Variants in LAMA4 observed in about 807,000 individuals in gnomAD.
The protein encoded by LAMA4 is laminin subunit alpha-4.
In LAMA4, 127 loss-of-function variants were observed where a neutral mutation model predicts 207.1. The observed-to-expected ratio is 0.61, with a 90% CI of 0.53 to 0.71. LAMA4 has a LOEUF of 0.71. Among genes scored for constraint, LAMA4 ranks in the 30% least tolerant of loss-of-function variants. LAMA4 has a pLI of 0.00. For synonymous variants in LAMA4, 761 were observed against 816.0 expected, an observed-to-expected ratio of 0.93 and a Z score of 1.15; for missense variants, 2,093 against 2,246.5, an observed-to-expected ratio of 0.93 and a Z score of 1.38.
At position 112,122,151 on chromosome 6, in the gene LAMA4, G is replaced by T. The variant is rs1554326334; in HGVS notation, c.4338C>A (p.Leu1446=). The T allele has an allele frequency of 6.2e-7, 1 of 1,613,808 alleles. No individual in the cohort carries two copies. The highest frequency in any genetic ancestry group is 8.5e-7 in the Non-Finnish European group (1 of 1,179,800). ...AGTTTCTTGGAGTATTCCGCTCTGGGAGTTTCAGAGCAACAGGATCCCATG... is the reference window on the plus strand; with the variant it reads ...AGTTTCTTGGAGTATTCCGCTCTGGTAGTTTCAGAGCAACAGGATCCCATG... ...APSWDPVALK[L]PERNTPRNSH... The change falls in exon 32 of 39, where the codon CTC becomes CTA. Residue 1446 remains leucine (L), a synonymous_variant. Coordinates refer to ENST00000230538, the MANE Select transcript of LAMA4 (RefSeq NM_001105206.3).
chr6:112,185,592 T>C (rs1165604346), intron 8 of LAMA4, among the ~76,000 whole-genome samples: 1 of 152,164 alleles, frequency 6.6e-6, no homozygotes, highest in African/African-American at 2.4e-5. Flanking sequence ...AGGGGCTGGG[T>C]TGACCATGGG....
intron 17 of LAMA4, among the ~76,000 whole-genome samples, chr6:112,149,529 C>T (rs1554335314): frequency 6.6e-6 from 1 of 152,106 alleles, no homozygotes; most frequent in African/African-American, 2.4e-5. Context: ...TGGCATTTCC[C>T]CTTTGCTCAG....
chr6:112,175,194 G>C (rs566312313), intron 11 of LAMA4, 119 bp downstream of exon 11: 1 of 987,962 alleles, frequency 1.0e-6, no homozygotes, highest in East Asian at 2.5e-5. Context: ...ATTCTAAATA[G>C]TTCTGAACAC....
chr6:112,252,773 C>T (rs1554190122), intron 2 of LAMA4, among the ~76,000 whole-genome samples: 1 of 152,138 alleles, frequency 6.6e-6, no homozygotes, highest in Admixed American at 6.6e-5. Context: ...GCATGAAGTC[C>T]CTCCTGGTCT....
At chr6:112,205,916 A>C (rs1314676765) in intron 4 of LAMA4, among the ~76,000 whole-genome samples, 1 of 152,136 alleles carries the variant, frequency 6.6e-6, no homozygotes, top group Non-Finnish European at 1.5e-5. Flanking sequence ...CCTGAGCAAC[A>C]AGGCTTGGGG....
At chr6:112,192,428 T>C (rs1232472037) in intron 5 of LAMA4, among the ~76,000 whole-genome samples, 1 of 152,200 alleles carries the variant, frequency 6.6e-6, no homozygotes, top group East Asian at 1.9e-4. Context: ...CAGCAGGTAG[T>C]ACGCTTAGCT....
chr6:112,250,334 G>A (rs1554189531), intron 2 of LAMA4, among the ~76,000 whole-genome samples: 8 of 152,180 alleles, frequency 5.3e-5, no homozygotes. Context: ...CTAACAATGT[G>A]CTGGGACATG....
chr6:112,156,835 C>A (rs567461320), intron 14 of LAMA4, among the ~76,000 whole-genome samples: 4 of 152,234 alleles, frequency 2.6e-5, no homozygotes, highest in Admixed American at 6.5e-5. Flanking sequence ...CTCTATATTT[C>A]TTTGGCTACT....
chr6:112,133,637 A>G (rs911441615), intron 26 of LAMA4, 150 bp from the exon 27 acceptor site: 4 of 1,006,628 alleles, frequency 4.0e-6, no homozygotes, highest in Admixed American at 2.0e-5. Flanking sequence ...GCACACAGCA[A>G]TGTCTAATCT....
At chr6:112,182,198 A>G (rs1204236820) in intron 9 of LAMA4, among the ~76,000 whole-genome samples, 1 of 152,170 alleles carries the variant, frequency 6.6e-6, no homozygotes, top group Non-Finnish European at 1.5e-5. Flanking sequence ...CTCAGCATCC[A>G]TGGGAGATTG....
rs1203043078 is a variant in LAMA4, at chr6:112,232,273, TTGCAACAAGTG to T, written c.196-15815_196-15805del. Among the ~76,000 whole-genome samples the T allele has an allele frequency of 4.6e-5, 7 of 152,262 alleles. No homozygotes were observed. The East Asian group carries it at 1.4e-3, about 29-fold the overall frequency. On this transcript the variant is annotated intron_variant, in intron 2 of 38. Coordinates refer to ENST00000230538, the MANE Select transcript of LAMA4 (RefSeq NM_001105206.3). ...GGGGAGCTTATTTAAAAAACAGATT[TTGCAACAAGTG>T]GTAAATATACAGGAATATAATTTTA...
At chr6:112,236,452 A>C (rs1331507294) in intron 2 of LAMA4, 1 of 152,258 alleles carries the variant, frequency 6.6e-6, no homozygotes, top group African/African-American at 2.4e-5. Context: ...AAGCTTAATA[A>C]GTATCAACAC....
At chr6:112,190,875 CTTT>C (rs1782982454) in intron 6 of LAMA4, among the ~76,000 whole-genome samples, 1 of 35,840 alleles carries the variant, frequency 2.8e-5, no homozygotes, top group African/African-American at 1.0e-4. Context: ...GTTTCTTTTT[CTTT>C]CTTTCTTTCT....
intron 5 of LAMA4, among the ~76,000 whole-genome samples, chr6:112,199,770 C>CTTTT (rs11377610): frequency 6.8e-5 from 10 of 147,182 alleles, no homozygotes; most frequent in African/African-American, 2.5e-4. Context: ...GATACTGTGG[C>CTTTT]TTTTTTTTTT....
chr6:112,153,561 C>T (rs1417685747), intron 16 of LAMA4, among the ~76,000 whole-genome samples: 1 of 151,902 alleles, frequency 6.6e-6, no homozygotes, highest in Non-Finnish European at 1.5e-5. Context: ...TTATGAGGTT[C>T]AATAACTCAA....
Position 112,108,186 on chromosome 6 carries a change from A to G in LAMA4, c.*1251T>C, listed in dbSNP as rs1486105204. On this transcript the variant is annotated 3_prime_UTR_variant, in exon 39 of 39. Transcript: ENST00000230538. Reference sequence around the variant, plus strand: ...AAATATTTTATATCCTCTCCCCTCAAAAGTTACTCCTTTTATGTATTGTTA... The same window carrying G: ...AAATATTTTATATCCTCTCCCCTCAGAAGTTACTCCTTTTATGTATTGTTA... Among the ~76,000 whole-genome samples the G allele has an allele frequency of 6.6e-6, 1 of 152,118 alleles. No homozygotes were observed. The highest frequency in any genetic ancestry group is 2.4e-5 in the African/African-American group (1 of 41,426).
In LAMA4 at chr6:112,220,992, A is replaced by G. The variant is rs551057802; in HGVS notation, c.196-4523T>C. Among the ~76,000 whole-genome samples, 15 of 152,338 alleles carry G rather than the reference A, an allele frequency of 9.8e-5. No individual in the cohort carries two copies. The South Asian group carries it at 3.1e-3, about 32-fold the overall frequency. On this transcript the variant is annotated intron_variant, in intron 2 of 38. Transcript: ENST00000230538. ...TAGATACAGAATCTCAGAGAACTTC[A>G]GAATTTCTGTTGAGAAGCCTGATTT...
chr6:112,121,814 C>G (rs1264869089), intron 32 of LAMA4, 200 bp downstream of exon 32: 7 of 547,546 alleles, frequency 1.3e-5, no homozygotes, highest in Non-Finnish European at 3.3e-6. Flanking sequence ...GTTTTATGAA[C>G]CTTACAATTG....
At chr6:112,165,092 C>T (rs1302145563) in intron 13 of LAMA4, 68 bp downstream of exon 13, 2 of 842,292 alleles carry the variant, frequency 2.4e-6, no homozygotes, top group Non-Finnish European at 4.2e-6. Context: ...TATTATTATT[C>T]TGTGACACTG....
Sources: gnomAD v4.1 joint callset for allele counts (sites outside exome capture counted in the v4.1 genomes callset) on GRCh38, gnomAD v4.1.1 for gene constraint, MANE v1.5 for transcripts, NCBI Gene and HGNC (gene_info 2026-07-23, HGNC 2026-07-21) for gene names.